The following ANO7 variants were observed in gnomAD, a reference collection of about 807,000 sequenced individuals.
ANO7 encodes anoctamin 7, also known as anoctamin-7.
A neutral mutation model predicts 115.8 loss-of-function variants in ANO7; 114 were observed. The ratio of observed to expected loss-of-function variants is 0.98; its 90% CI spans 0.85 to 1.15. The LOEUF is 1.15. ANO7 is among the 50% of genes most tolerant of loss of function. The probability of loss-of-function intolerance (pLI) is 0.00; values close to 1 mark genes in which losing one functional copy is unlikely to be tolerated. For synonymous variants in ANO7, 550 were observed against 498.2 expected, an observed-to-expected ratio of 1.10 and a Z score of -1.38; for missense variants, 1,302 against 1,201.2, an observed-to-expected ratio of 1.08 and a Z score of -1.24.
chr2:241,194,097 A>G (rs1574757661), intron 3 of ANO7, among the ~76,000 whole-genome samples: 1 of 150,486 alleles, frequency 6.6e-6, no homozygotes, highest in East Asian at 2.0e-4. Flanking sequence ...CTGGTCTCGA[A>G]CTCCTGACTT....
chr2:241,208,938 A>G (rs1329496714), intron 11 of ANO7, among the ~76,000 whole-genome samples: 1 of 152,086 alleles, frequency 6.6e-6, no homozygotes, highest in Non-Finnish European at 1.5e-5. Flanking sequence ...TCACAAGGTC[A>G]GAAGATCGAG....
At chr2:241,227,711 TAGAAA>T (rs76284946), downstream of ANO7, 6 of 152,626 alleles carry the variant, frequency 3.9e-5, no homozygotes, top group East Asian at 1.2e-3. Flanking sequence ...TATGACACTG[TAGAAA>T]AGACAGGAGG....
chr2:241,189,504 G>A (rs1450402236), intron 1 of ANO7, among the ~76,000 whole-genome samples: 1 of 152,174 alleles, frequency 6.6e-6, no homozygotes, highest in African/African-American at 2.4e-5. Flanking sequence ...AGACCCCCGG[G>A]GCGAAGGTGC....
At chr2:241,189,213 T>C (rs2068129620) in intron 1 of ANO7, among the ~76,000 whole-genome samples, 1 of 152,168 alleles carries the variant, frequency 6.6e-6, no homozygotes, top group Non-Finnish European at 1.5e-5. Flanking sequence ...GTCCTAACAC[T>C]GAGACCTGGC....
At chr2:241,221,787 C>T (rs1032767647) in intron 21 of ANO7, among the ~76,000 whole-genome samples, 3 of 151,936 alleles carry the variant, frequency 2.0e-5, no homozygotes, top group African/African-American at 4.8e-5. Context: ...AAGCGATTCT[C>T]CTGCCTCAGC....
chr2:241,200,857 AG>A (rs2068453830), intron 6 of ANO7, among the ~76,000 whole-genome samples: 1 of 152,160 alleles, frequency 6.6e-6, no homozygotes, highest in Non-Finnish European at 1.5e-5. Flanking sequence ...CTGGTTTCCC[AG>A]GGAGGGCCCC....
chr2:241,191,822 C>T (rs11686848), intron 3 of ANO7, among the ~76,000 whole-genome samples: 31,869 of 151,986 alleles, frequency 0.21, 3,839 homozygotes, highest in Non-Finnish European at 0.28. Context: ...AACTGGCTCA[C>T]TTGTGCATTG....
rs13425235 is a variant in ANO7, at chr2:241,200,443, C to A, written c.554+218C>A. ...TTGTGCTGCAGGACAGATAACCCCC[C>A]CAAGGCCCAGTGGCTGGACACGCGA... On this transcript the variant is annotated intron_variant, in intron 6 of 24. Coordinates refer to ENST00000674324, the MANE Select transcript of ANO7 (RefSeq NM_001370694.2). 9.2e-5 allele frequency among the ~76,000 whole-genome samples: 14 copies of A among 152,342 alleles called. No homozygotes were observed. The East Asian group carries it at 2.3e-3, about 25-fold the overall frequency.
rs61749471 is a variant in ANO7, at chr2:241,190,168, G to T, written c.105G>T (p.Ser35=). ...RGSYGSTAHA[S]EPGGQQAAAC... is the part of the protein sequence containing the mutation. ...CTTACGGGAGCACAGCCCACGCCTC[G>T]GAGGTAACAGCACCCAGGAGACTGT... Residue 35 remains serine (S), a synonymous_variant, in exon 2 of 25, where the codon TCG becomes TCT. Coordinates refer to ENST00000674324, the MANE Select transcript of ANO7 (RefSeq NM_001370694.2). 1 of 1,558,286 alleles carries T rather than the reference G, an allele frequency of 6.4e-7. No homozygotes were observed. The highest frequency in any genetic ancestry group is 8.7e-7 in the Non-Finnish European group (1 of 1,151,002).
At position 241,196,154 on chromosome 2, in the gene ANO7, T is replaced by C. The variant is rs1342366722; in HGVS notation, c.309+309T>C. ...CTGTCCCGTCTCCAACATTAAAGCT[T>C]TTGGGTAGGCGTGTCATTTGTGTTT... is the stretch of plus-strand genomic sequence containing the variant. On this transcript the variant is annotated intron_variant, in intron 4 of 24. Coordinates refer to ENST00000674324, the MANE Select transcript of ANO7 (RefSeq NM_001370694.2). 3.8e-6 allele frequency: 5 copies of C among 1,315,504 alleles called. No individual in the cohort carries two copies. In the Admixed American group the frequency reaches 1.4e-4, roughly 36 times the overall value. 81.5% of individuals were successfully genotyped at this position (1,315,504 alleles called of 1,614,324 possible).
intron 15 of ANO7, among the ~76,000 whole-genome samples, chr2:241,210,999 C>G (rs1189235876): frequency 6.6e-6 from 1 of 152,120 alleles, no homozygotes; most frequent in Non-Finnish European, 1.5e-5. Flanking sequence ...TTTTTGGCAC[C>G]CCAGGTGGGA....
the ANO7 span, chr2:241,235,502 C>T: frequency 6.2e-7 from 1 of 1,613,648 alleles, no homozygotes; most frequent in Non-Finnish European, 8.5e-7. Flanking sequence ...CAAACTCATC[C>T]ATCATCTTGC....
chr2:241,239,999 C>T, the ANO7 span: 1 of 1,614,202 alleles, frequency 6.2e-7, no homozygotes, highest in Non-Finnish European at 8.5e-7. The surrounding 1 kb of genome is among the most constrained non-coding windows in gnomAD (Gnocchi z 4.6). Flanking sequence ...TCCTCAGCCG[C>T]AGGGAAGATG....
At chr2:241,189,075 G>A (rs2068125554) in intron 1 of ANO7, among the ~76,000 whole-genome samples, 1 of 152,178 alleles carries the variant, frequency 6.6e-6, no homozygotes, top group Non-Finnish European at 1.5e-5. Flanking sequence ...TCTGAGGAGG[G>A]GCCCGCCTGC....
Position 241,188,841 on chromosome 2 carries a change from C to G in ANO7, c.-8+75C>G. 1.3e-6 allele frequency: 2 copies of G among 1,537,152 alleles called. No homozygotes were observed. The highest frequency in any genetic ancestry group is 1.2e-5 in the South Asian group (1 of 81,260). ...GGACTCTAGGGAGGCAGGGCGGCACCCCAGCCCACCGGGACTTTCACACAC... is the reference window on the plus strand; with the variant it reads ...GGACTCTAGGGAGGCAGGGCGGCACGCCAGCCCACCGGGACTTTCACACAC... On this transcript the variant is annotated intron_variant, in intron 1 of 24. Coordinates refer to ENST00000674324, the MANE Select transcript of ANO7 (RefSeq NM_001370694.2). The surrounding 1 kb of genome is among the most constrained non-coding windows in gnomAD (Gnocchi z 4.3).
the ANO7 span, among the ~76,000 whole-genome samples, chr2:241,234,171 A>G: frequency 6.6e-6 from 1 of 152,200 alleles, no homozygotes; most frequent in Non-Finnish European, 1.5e-5. Flanking sequence ...GCTGCTCCAC[A>G]AGGAGGTCTA....
downstream of ANO7, among the ~76,000 whole-genome samples, chr2:241,225,998 A>G (rs973112701): frequency 1.3e-5 from 2 of 152,098 alleles, no homozygotes; most frequent in African/African-American, 4.8e-5. Context: ...AATTTATTGA[A>G]ACGTACGAAA....
rs190362964 is a variant in ANO7, at chr2:241,224,562, G to T, written c.*409G>T. 1.0e-3 allele frequency: 221 copies of T among 217,776 alleles called. No homozygotes were observed. Among genetic ancestry groups the T allele is most frequent in the Non-Finnish European group, 1.2e-3 (126 of 107,364 alleles). The allele number at this position is 217,776 out of a possible 1,614,324, so 13.5% of individuals were successfully genotyped here. A position where few individuals can be genotyped will look rare whatever the true frequency, so the allele number is the denominator to read the frequency against. On this transcript the variant is annotated 3_prime_UTR_variant, in exon 25 of 25. Transcript: ENST00000674324. ...CCTGGTGACCTTCGAATGTTTCAGA[G>T]CGCAGGGCCGTTCTCCCTCGTGTCC...
At chr2:241,192,426 T>C (rs1163033225) in intron 3 of ANO7, among the ~76,000 whole-genome samples, 1 of 152,232 alleles carries the variant, frequency 6.6e-6, no homozygotes, top group Non-Finnish European at 1.5e-5. Context: ...GAGGCAGGGC[T>C]GGTGGCTTAG....
Sources: gnomAD v4.1 joint callset for allele counts (sites outside exome capture counted in the v4.1 genomes callset) on GRCh38, gnomAD v4.1.1 for gene constraint, Gnocchi (gnomAD v3.1) non-coding constraint, MANE v1.5 for transcripts, NCBI Gene and HGNC (gene_info 2026-07-23, HGNC 2026-07-21) for gene names.